Variants in MYT1L observed in about 807,000 individuals in gnomAD.
MYT1L encodes the protein myelin transcription factor 1-like protein.
MYT1L carries 12 observed loss-of-function variants against 126.7 expected under a neutral mutation model. The observed-to-expected ratio is 0.09, with a 90% CI of 0.06 to 0.15. The LOEUF (loss-of-function observed/expected upper bound fraction) is 0.15. Ranked by LOEUF, MYT1L falls within the 10% of genes least tolerant of loss-of-function variation. The pLI, the probability that MYT1L is intolerant of heterozygous loss-of-function variation, is 1.00. For synonymous variants in MYT1L, 541 were observed against 604.2 expected, an observed-to-expected ratio of 0.90 and a Z score of 1.53; for missense variants, 979 against 1,585.2, an observed-to-expected ratio of 0.62 and a Z score of 6.49.
intron 8 of MYT1L, among the ~76,000 whole-genome samples, chr2:1,967,852 G>A (rs1051276948): frequency 6.6e-6 from 1 of 152,152 alleles, no homozygotes. Context: ...TTACCAGAAG[G>A]GCCTCCTGCA....
chr2:2,157,220 T>C (rs539506524), intron 3 of MYT1L, among the ~76,000 whole-genome samples: 1 of 152,220 alleles, frequency 6.6e-6, no homozygotes, highest in Non-Finnish European at 1.5e-5. Flanking sequence ...CTGTAAAATA[T>C]AATGAAATCA....
intron 2 of MYT1L, among the ~76,000 whole-genome samples, chr2:2,277,319 A>T (rs1158980788): frequency 6.6e-6 from 1 of 151,852 alleles, no homozygotes; most frequent in African/African-American, 2.4e-5. Flanking sequence ...TCATCTTTTC[A>T]CCCTTCATAC....
Position 1,887,515 on chromosome 2 carries a change from C to T in MYT1L, c.2615G>A (p.Cys872Tyr). 1 of 1,614,022 alleles carries T rather than the reference C, an allele frequency of 6.2e-7. No individual in the cohort carries two copies. Among genetic ancestry groups the T allele is most frequent in the Non-Finnish European group, 8.5e-7 (1 of 1,179,894 alleles). ...IPSPKPKYPQ[C>Y]KESKKDLITL... The stretch of plus-strand genomic sequence containing the variant: ...TATTAAGTCCTTTTTGCTCTCCTTG[C>T]ACTGAGGGTACTTGGGTTTGGGACT... The change falls in exon 17 of 25, where the codon TGC becomes TAC. Residue 872 changes from cysteine to tyrosine, a missense_variant. By Grantham distance (194) the Cys-to-Tyr change is radical. Transcript: ENST00000647738. This position sits in a 1 kb window ranked among gnomAD's most constrained non-coding sequence, Gnocchi z 4.8.
At chr2:2,135,798 G>C (rs2082970339) in intron 3 of MYT1L, among the ~76,000 whole-genome samples, 1 of 152,168 alleles carries the variant, frequency 6.6e-6, no homozygotes, top group African/African-American at 2.4e-5. Context: ...GCCAGAAAAA[G>C]AGGAATGCGC....
intron 3 of MYT1L, among the ~76,000 whole-genome samples, chr2:2,133,108 G>T (rs1034271675): frequency 6.6e-6 from 1 of 152,260 alleles, no homozygotes; most frequent in African/African-American, 2.4e-5. Context: ...GTTAAGAGAC[G>T]GCGCTTTTTG....
chr2:1,794,415 C>T lies in MYT1L; in HGVS notation c.3277-1951G>A, dbSNP rs184713872. The stretch of plus-strand genomic sequence containing the variant: ...GGAATAATGCTCCTTGCATTATGAA[C>T]TCACACTGAGCTGTGCAGTGTGTCT... On this transcript the variant is annotated intron_variant, in intron 23 of 24. Transcript: ENST00000647738. 2.4e-3 allele frequency among the ~76,000 whole-genome samples: 365 copies of T among 152,322 alleles called. 2 individuals are homozygous for T. The highest frequency in any genetic ancestry group is 2.6e-3 in the Non-Finnish European group (178 of 68,036).
intron 9 of MYT1L, 99 bp from the exon 10 acceptor site, chr2:1,923,362 A>C (rs1296609528): frequency 1.9e-5 from 19 of 984,610 alleles, no homozygotes; most frequent in Non-Finnish European, 2.6e-5. Flanking sequence ...GTTAACTGCA[A>C]GTCAAACCGT....
intron 11 of MYT1L, among the ~76,000 whole-genome samples, chr2:1,915,345 T>G (rs752299390): frequency 6.6e-6 from 1 of 152,094 alleles, no homozygotes; most frequent in African/African-American, 2.4e-5. Flanking sequence ...GTGCCGCCCA[T>G]GTCAGAGCTG....
chr2:2,328,534 C>A (rs2096265555), intron 1 of MYT1L, among the ~76,000 whole-genome samples: 1 of 152,156 alleles, frequency 6.6e-6, no homozygotes, highest in Non-Finnish European at 1.5e-5. Flanking sequence ...TTACCTTGAT[C>A]TCAGCTTCTA....
intron 4 of MYT1L, among the ~76,000 whole-genome samples, chr2:1,997,702 T>G (rs2061990175): frequency 6.6e-6 from 1 of 152,122 alleles, no homozygotes; most frequent in African/African-American, 2.4e-5. Context: ...TTATCCTCCC[T>G]CCTTCCCAGA....
chr2:2,238,555 G>C (rs1204861010), intron 2 of MYT1L, among the ~76,000 whole-genome samples: 1 of 152,216 alleles, frequency 6.6e-6, no homozygotes, highest in South Asian at 2.1e-4. Context: ...CCCGAGGAGA[G>C]TTGTTCTTCA....
At chr2:1,962,915 T>C (rs965502578) in intron 8 of MYT1L, among the ~76,000 whole-genome samples, 1 of 152,224 alleles carries the variant, frequency 6.6e-6, no homozygotes, top group African/African-American at 2.4e-5. Context: ...TCCAAATTCT[T>C]GTTAATGTTG....
intron 3 of MYT1L, among the ~76,000 whole-genome samples, chr2:2,076,595 T>C (rs2075255046): frequency 6.6e-6 from 1 of 152,002 alleles, no homozygotes; most frequent in Admixed American, 6.6e-5. Context: ...CAATGCACAA[T>C]ACTCAGAATC....
At chr2:2,122,061 G>A (rs888344452) in intron 3 of MYT1L, among the ~76,000 whole-genome samples, 3 of 152,184 alleles carry the variant, frequency 2.0e-5, no homozygotes, top group African/African-American at 4.8e-5. Context: ...GGGCGGCACC[G>A]TCATCTGGCG....
chr2:2,299,401 C>A (rs1043788162), intron 1 of MYT1L, among the ~76,000 whole-genome samples: 1 of 152,178 alleles, frequency 6.6e-6, no homozygotes, highest in Non-Finnish European at 1.5e-5. Flanking sequence ...GGCTGGCAAG[C>A]CAGGAATCCA....
chr2:1,916,385 C>T (rs1427345353), intron 11 of MYT1L, among the ~76,000 whole-genome samples: 4 of 152,114 alleles, frequency 2.6e-5, no homozygotes. Context: ...GTGTCTTAGA[C>T]AGTAAGGGAA....
rs748619054 is a variant in MYT1L, at chr2:1,851,710, T to TA, written c.2712-8dup. The TA allele has an allele frequency of 8.1e-6, 13 of 1,612,894 alleles. No homozygotes were observed. In the African/African-American group the frequency reaches 1.7e-4, roughly 22 times the overall value. The stretch of plus-strand genomic sequence containing the variant: ...ACAGCCAGGCGTGGGGCACCTACAA[T>TA]AAAAAATGCAAATTGTGTTAAAATG... On this transcript the variant is annotated splice_region_variant and splice_polypyrimidine_tract_variant and intron_variant, in intron 18 of 24. Coordinates refer to ENST00000647738, the MANE Select transcript of MYT1L (RefSeq NM_001303052.2).
At chr2:2,017,331 C>T (rs1299664880) in intron 4 of MYT1L, among the ~76,000 whole-genome samples, 1 of 152,194 alleles carries the variant, frequency 6.6e-6, no homozygotes, top group Non-Finnish European at 1.5e-5. Context: ...ATCTAATTAC[C>T]CAATGGCATA....
chr2:2,273,733 C>G (rs1479796866), intron 2 of MYT1L, among the ~76,000 whole-genome samples: 2 of 152,142 alleles, frequency 1.3e-5, no homozygotes, highest in Non-Finnish European at 2.9e-5. Context: ...TGCTGCATGT[C>G]TGAGAGGTTA....
Sources: gnomAD v4.1 joint callset for allele counts (sites outside exome capture counted in the v4.1 genomes callset) on GRCh38, gnomAD v4.1.1 for gene constraint, Gnocchi (gnomAD v3.1) non-coding constraint, MANE v1.5 for transcripts, NCBI Gene and HGNC (gene_info 2026-07-23, HGNC 2026-07-21) for gene names.